PRDM14: variants seen among roughly 807,000 people sequenced by gnomAD.
PRDM14 encodes the protein PR/SET domain 14.
A neutral mutation model predicts 48.0 loss-of-function variants in PRDM14; 16 were observed. That is an observed-to-expected ratio of 0.33 (90% CI 0.23 to 0.51). The LOEUF is 0.51. Among genes scored for constraint, PRDM14 ranks in the 20% least tolerant of loss-of-function variants. The probability of loss-of-function intolerance (pLI) is 0.97; values close to 1 mark genes in which losing one functional copy is unlikely to be tolerated. For synonymous variants in PRDM14, 264 were observed against 276.6 expected, an observed-to-expected ratio of 0.95 and a Z score of 0.45; for missense variants, 566 against 719.6, an observed-to-expected ratio of 0.79 and a Z score of 2.44.
At chr8:70,052,865 CAAAAAAAAAAAAAAA>C (rs71275047) in intron 7 of PRDM14, among the ~76,000 whole-genome samples, 1 of 24,326 alleles carries the variant, frequency 4.1e-5, no homozygotes, top group Non-Finnish European at 6.9e-5. Context: ...ACTCTGTCTC[CAAAAAAAAAAAAAAA>C]AAAAAAAAAA....
chr8:70,067,279 G>A (rs1368561422), intron 4 of PRDM14, among the ~76,000 whole-genome samples: 1 of 152,170 alleles, frequency 6.6e-6, no homozygotes, highest in Non-Finnish European at 1.5e-5. Flanking sequence ...CCCGCACTTT[G>A]GGAGGCCAAA....
At chr8:70,070,439 C>G (rs1012963699) in intron 1 of PRDM14, among the ~76,000 whole-genome samples, 6 of 152,256 alleles carry the variant, frequency 3.9e-5, no homozygotes, top group East Asian at 1.9e-4. Flanking sequence ...GGTCGCACCG[C>G]GCAGATGGAG....
At chr8:70,059,072 A>G (rs1017167358) in intron 5 of PRDM14, among the ~76,000 whole-genome samples, 7 of 152,130 alleles carry the variant, frequency 4.6e-5, no homozygotes, top group Admixed American at 4.6e-4. Flanking sequence ...CTCCTGCCTC[A>G]GCCTCCCAAG....
At chr8:70,058,863 A>T (rs1168951477) in intron 5 of PRDM14, 21 bp from the exon 6 acceptor site, 3 of 1,592,456 alleles carry the variant, frequency 1.9e-6, no homozygotes. Flanking sequence ...CAGCAAACAC[A>T]ATGTCTCTTC....
intron 5 of PRDM14, among the ~76,000 whole-genome samples, chr8:70,064,313 C>T (rs1563441407): frequency 6.6e-6 from 1 of 151,984 alleles, no homozygotes; most frequent in Non-Finnish European, 1.5e-5. Context: ...CTTCACTGTT[C>T]CCTGAGCCTG....
At chr8:70,062,068 T>G (rs1462055934) in intron 5 of PRDM14, among the ~76,000 whole-genome samples, 2 of 152,254 alleles carry the variant, frequency 1.3e-5, no homozygotes, top group African/African-American at 4.8e-5. Flanking sequence ...CCATTCATAT[T>G]AACAGATTAA....
chr8:70,055,348 C>T lies in PRDM14; in HGVS notation c.1440G>A (p.Met480Ile). 1.2e-6 allele frequency: 2 copies of T among 1,610,162 alleles called. No individual in the cohort carries two copies. Among genetic ancestry groups the T allele is most frequent in the Non-Finnish European group, 1.7e-6 (2 of 1,176,518 alleles). The change falls in exon 7 of 8, where the codon ATG (methionine) becomes ATA (isoleucine). Residue 480 changes from methionine (M) to isoleucine (I), a missense_variant. By Grantham distance (10) the Met-to-Ile change is conservative. Transcript: ENST00000276594. Reference sequence around the variant, plus strand: ...ATGGTCTGTCTCCAGAGTGGACTCGCATGTGTTTGTTTAGGCTGGAAGATT... The same window carrying T: ...ATGGTCTGTCTCCAGAGTGGACTCGTATGTGTTTGTTTAGGCTGGAAGATT... ...FSQSSSLNKH[M>I]RVHSGDRPYQ...
chr8:70,055,151 G>C (rs1481195072), intron 7 of PRDM14, 149 bp downstream of exon 7: 5 of 493,566 alleles, frequency 1.0e-5, no homozygotes, highest in Admixed American at 1.0e-4. Flanking sequence ...TAGCAAACTT[G>C]AGCATATTTA....
intron 4 of PRDM14, 130 bp downstream of exon 4, chr8:70,068,100 A>G (rs1805702134): frequency 9.7e-7 from 1 of 1,027,646 alleles, no homozygotes; most frequent in Non-Finnish European, 1.5e-6. Context: ...AGGCAACACA[A>G]ACCACAGATA....
At chr8:70,056,303 A>T (rs1056555612) in intron 6 of PRDM14, among the ~76,000 whole-genome samples, 2 of 152,204 alleles carry the variant, frequency 1.3e-5, no homozygotes, top group African/African-American at 4.8e-5. Flanking sequence ...GCAAGCACCG[A>T]GAGTTTGCCA....
chr8:70,061,892 A>C (rs1243755309), intron 5 of PRDM14, among the ~76,000 whole-genome samples: 3 of 152,026 alleles, frequency 2.0e-5, no homozygotes, highest in Non-Finnish European at 4.4e-5. Context: ...TTGCATATTC[A>C]AATAACCCGC....
chr8:70,063,771 C>A (rs1309091746), intron 5 of PRDM14, among the ~76,000 whole-genome samples: 1 of 152,166 alleles, frequency 6.6e-6, no homozygotes, highest in Non-Finnish European at 1.5e-5. Flanking sequence ...GACCCAACCA[C>A]CTTGGCCTCC....
chr8:70,068,682 T>C (rs921588510), intron 2 of PRDM14, 150 bp from the exon 3 acceptor site: 11 of 705,516 alleles, frequency 1.6e-5, no homozygotes, highest in Non-Finnish European at 2.5e-5. Context: ...TCATTTTACA[T>C]GGTCTGTTCA....
At chr8:70,062,599 G>A (rs187736443) in intron 5 of PRDM14, among the ~76,000 whole-genome samples, 9 of 152,034 alleles carry the variant, frequency 5.9e-5, no homozygotes, top group South Asian at 2.1e-4. Context: ...GAGTAGCTGA[G>A]ATTACAGGCA....
At chr8:70,055,202 T>C in intron 7 of PRDM14, 98 bp downstream of exon 7, 1 of 622,440 alleles carries the variant, frequency 1.6e-6, no homozygotes. Flanking sequence ...GACTAACATT[T>C]ACCAAGAACT....
At position 70,066,489 on chromosome 8, in the gene PRDM14, T is replaced by C. The variant is rs750694727; in HGVS notation, c.929A>G (p.His310Arg). Residue 310 changes from histidine to arginine, a missense_variant, in exon 5 of 8, where the codon CAT becomes CGT. His to Arg is a conservative substitution (Grantham distance 29). Coordinates refer to ENST00000276594, the MANE Select transcript of PRDM14 (RefSeq NM_024504.4). The stretch of plus-strand genomic sequence containing the variant: ...TTTTCCATCTATAAAGTGGCTCAAA[T>C]GACCATCTTCAAAGATCTAAATGAA... The part of the protein sequence containing the change: ...SVMWEIFEDG[H>R]LSHFIDGKGG... 15 of 1,613,480 alleles carry C rather than the reference T, an allele frequency of 9.3e-6. No individual in the cohort carries two copies. Among genetic ancestry groups the C allele is most frequent in the Middle Eastern group, 1.6e-4 (1 of 6,082 alleles).
At position 70,068,658 on chromosome 8, in the gene PRDM14, C is replaced by T. The variant is rs1458652589; in HGVS notation, c.701-126G>A. On this transcript the variant is annotated intron_variant, in intron 2 of 7. Transcript: ENST00000276594. ...CCAGTTTGATATTTATTTGTTGTTT[C>T]TATTTTTCCCTGCTCATTTTACATG... The T allele has an allele frequency of 2.2e-5, 17 of 781,292 alleles. No individual in the cohort carries two copies. The East Asian group carries it at 4.5e-4, about 21-fold the overall frequency. The allele number at this position is 781,292 out of a possible 1,614,324, so 48.4% of individuals were successfully genotyped here. A position where few individuals can be genotyped will look rare whatever the true frequency, so the allele number is the denominator to read the frequency against.
chr8:70,056,724 T>G (rs1585648039), intron 6 of PRDM14, among the ~76,000 whole-genome samples: 1 of 148,572 alleles, frequency 6.7e-6, no homozygotes, highest in African/African-American at 2.5e-5. Flanking sequence ...GAGGCTGAGG[T>G]TGGGTGATTG....
rs373313286 is a variant in PRDM14, at chr8:70,052,054, G to A, written c.*23C>T. 89 of 1,525,884 alleles carry A rather than the reference G, an allele frequency of 5.8e-5. No individual in the cohort carries two copies. In the South Asian group the frequency reaches 6.0e-4, roughly 10 times the overall value. 94.5% of individuals were successfully genotyped at this position (1,525,884 alleles called of 1,614,324 possible). A position where few individuals can be genotyped will look rare whatever the true frequency, so the allele number is the denominator to read the frequency against. On this transcript the variant is annotated 3_prime_UTR_variant, in exon 8 of 8. Transcript: ENST00000276594. The stretch of plus-strand genomic sequence containing the variant: ...CTCCCAAAGTGCTGGGATTACAGGC[G>A]TGAGTCATTGTGCCTGGCAGGGCTA...
Sources: gnomAD v4.1 joint callset for allele counts (sites outside exome capture counted in the v4.1 genomes callset) on GRCh38, gnomAD v4.1.1 for gene constraint, MANE v1.5 for transcripts, NCBI Gene and HGNC (gene_info 2026-07-23, HGNC 2026-07-21) for gene names.